Variants in TCF3 observed in about 807,000 individuals in gnomAD.
The protein encoded by TCF3 is transcription factor 3, also known as transcription factor E2-alpha.
TCF3 carries 54 observed loss-of-function variants against 72.3 expected under a neutral mutation model. The observed-to-expected ratio is 0.75, with a 90% CI of 0.60 to 0.94. TCF3 has a LOEUF of 0.94. Ranked by LOEUF, TCF3 falls within the 40% of genes least tolerant of loss-of-function variation. The pLI, the probability that TCF3 is intolerant of heterozygous loss-of-function variation, is 0.00. For synonymous variants in TCF3, 525 were observed against 412.6 expected, an observed-to-expected ratio of 1.27 and a Z score of -3.30; for missense variants, 1,078 against 934.4, an observed-to-expected ratio of 1.15 and a Z score of -2.00.
chr19:1,641,032 C>A (rs1047801071), intron 3 of TCF3, among the ~76,000 whole-genome samples: 1 of 151,790 alleles, frequency 6.6e-6, no homozygotes, highest in Non-Finnish European at 1.5e-5. Context: ...CACCTATATT[C>A]CCAGCTACTC....
Position 1,625,567 on chromosome 19 carries a change from C to A in TCF3, c.499+9G>T, listed in dbSNP as rs1382438562. On this transcript the variant is annotated intron_variant, in intron 7 of 18. Transcript: ENST00000262965. ...GAAGCCCCCGATGCCCCGGCCAGAC[C>A]CCGCTCACCTAGGCTGCCGTCTGCC... 5.7e-6 allele frequency: 9 copies of A among 1,576,138 alleles called. No individual in the cohort carries two copies. Among genetic ancestry groups the A allele is most frequent in the Non-Finnish European group, 6.9e-6 (8 of 1,165,148 alleles).
intron 5 of TCF3, among the ~76,000 whole-genome samples, chr19:1,631,751 G>C (rs2063741318): frequency 6.6e-6 from 1 of 152,212 alleles, no homozygotes; most frequent in African/African-American, 2.4e-5. Context: ...CCGGGAAGCA[G>C]GAGGAGCCCT....
chr19:1,625,610 G>T lies in TCF3; in HGVS notation c.465C>A (p.Gly155=). ...GTSQYYPSYS[G]SSRRRAADGS... is the part of the protein sequence containing the mutation. Reference sequence around the variant, plus strand: ...CGTCTGCCGCTCTCCGCCGGGAGCTGCCGGAGTAGGAGGGGTAGTACTGGG... The same window carrying T: ...CGTCTGCCGCTCTCCGCCGGGAGCTTCCGGAGTAGGAGGGGTAGTACTGGG... The change falls in exon 7 of 19, where the codon GGC becomes GGA. Residue 155 remains glycine (G), a synonymous_variant. Coordinates refer to ENST00000262965, the MANE Select transcript of TCF3 (RefSeq NM_003200.5). The T allele has an allele frequency of 6.3e-7, 1 of 1,583,246 alleles. No homozygotes were observed. The highest frequency in any genetic ancestry group is 8.6e-7 in the Non-Finnish European group (1 of 1,167,346).
At chr19:1,611,937 G>A in intron 18 of TCF3, 88 bp from the exon 19 acceptor site, 1 of 220,146 alleles carries the variant, frequency 4.5e-6, no homozygotes, top group Non-Finnish European at 8.8e-6. Context: ...TGTCGGGGGG[G>A]GGGGTGGGGG....
rs75109835 is a variant in TCF3 at position 1,621,893 on chromosome 19, C to T, written c.900G>A (p.Thr300=). ...GCGTGTGGCTGGAGACGCCGCCGTA[C>T]GTGGCTCCGGGGGCTGAGGAGAAGG... The part of the protein sequence containing the change: ...ASSFSSAPGA[T]YGGVSSHTPP... Residue 300 remains threonine, a synonymous_variant, in exon 11 of 19, where the codon ACG becomes ACA. Coordinates refer to ENST00000262965, the MANE Select transcript of TCF3 (RefSeq NM_003200.5). 142 of 1,597,804 alleles carry T rather than the reference C, an allele frequency of 8.9e-5. No homozygotes were observed. In the African/African-American group the frequency reaches 1.3e-3, roughly 14 times the overall value.
rs1568308413 is a variant in TCF3, at chr19:1,611,729, T to C, written c.1943A>G (p.His648Arg). 1.2e-6 allele frequency: 2 copies of C among 1,613,568 alleles called. No individual in the cohort carries two copies. The highest frequency in any genetic ancestry group is 1.7e-6 in the Non-Finnish European group (2 of 1,179,874). Residue 648 changes from histidine (H) to arginine (R), a missense_variant, in exon 19 of 19, where the codon CAC (histidine) becomes CGC (arginine). Coordinates refer to ENST00000262965, the MANE Select transcript of TCF3 (RefSeq NM_003200.5). ...SAPHPGLSEA[H>R]NPAGHM ...CTTTCACATGTGCCCGGCGGGGTTG[T>C]GGGCTTCGCTCAGGCCTGGGTGGGG...
At chr19:1,648,131 A>G (rs1424012404) in intron 2 of TCF3, among the ~76,000 whole-genome samples, 1 of 152,214 alleles carries the variant, frequency 6.6e-6, no homozygotes, top group Non-Finnish European at 1.5e-5. Context: ...CGCTGGGAAC[A>G]GCCTGGGTTA....
At position 1,615,933 on chromosome 19, in the gene TCF3, GC is replaced by G; in HGVS notation, c.1451-113del. 1 of 1,361,958 alleles carries G rather than the reference GC, an allele frequency of 7.3e-7. No individual in the cohort carries two copies. The highest frequency in any genetic ancestry group is 2.4e-5 in the East Asian group (1 of 40,866). The allele number at this position is 1,361,958 out of a possible 1,614,324, so 84.4% of individuals were successfully genotyped here. On this transcript the variant is annotated intron_variant, in intron 16 of 18. Coordinates refer to ENST00000262965, the MANE Select transcript of TCF3 (RefSeq NM_003200.5). The surrounding 1 kb of genome is among the most constrained non-coding windows in gnomAD (Gnocchi z 7.3). ...GCTTTCCTGGAAAAACCAGGTCTTG[GC>G]CAAAAATAAAAACAAAAAACCAACA... is the stretch of plus-strand genomic sequence containing the variant.
At chr19:1,642,900 T>A (rs72989741) in intron 3 of TCF3, among the ~76,000 whole-genome samples, 19,686 of 152,050 alleles carry the variant, frequency 0.13, 1,384 homozygotes, top group South Asian at 0.3. Flanking sequence ...AACGCGGAGG[T>A]GCCGTTCTGT....
rs1243638464 is a variant in TCF3 at position 1,639,388 on chromosome 19, G to A, written c.145+6967C>T. On this transcript the variant is annotated intron_variant, in intron 3 of 18. Coordinates refer to ENST00000262965, the MANE Select transcript of TCF3 (RefSeq NM_003200.5). ...TGTTGACAATGGCTCGACCCACAAC[G>A]AAATCCCACTGTCTCAGCCCACACA... 5.9e-5 allele frequency among the ~76,000 whole-genome samples: 9 copies of A among 152,128 alleles called. No individual in the cohort carries two copies. In the South Asian group the frequency reaches 1.5e-3, roughly 25 times the overall value.
chr19:1,621,479 C>G (rs1436118083), intron 11 of TCF3, among the ~76,000 whole-genome samples: 13 of 143,688 alleles, frequency 9.0e-5, no homozygotes, highest in African/African-American at 1.9e-4. Context: ...GCCTGGGTAA[C>G]TGAGTCCCTC....
intron 14 of TCF3, 120 bp downstream of exon 14, chr19:1,619,660 C>A (rs915515114): frequency 7.8e-7 from 1 of 1,285,770 alleles, no homozygotes; most frequent in Non-Finnish European, 1.1e-6. Flanking sequence ...GCCACGAGGC[C>A]TCAATAACAG....
chr19:1,650,369 T>C (rs1009521154), intron 1 of TCF3, 82 bp from the exon 2 acceptor site: 1 of 1,092,080 alleles, frequency 9.2e-7, no homozygotes, highest in African/African-American at 1.6e-5. Context: ...CACAGAGTGC[T>C]AAAAGCCACC....
chr19:1,636,052 G>A (rs1256036200), intron 3 of TCF3, among the ~76,000 whole-genome samples: 1 of 152,242 alleles, frequency 6.6e-6, no homozygotes, highest in African/African-American at 2.4e-5. Flanking sequence ...TGCAGCTTGT[G>A]ATGCTTCTCA....
rs374898725 is a variant in TCF3, at chr19:1,621,889, C to G, written c.904G>C (p.Gly302Arg). The change falls in exon 11 of 19, where the codon GGC (glycine) becomes CGC (arginine). Residue 302 changes from glycine to arginine, a missense_variant. Physicochemically the swap from Gly to Arg is moderately radical, Grantham distance 125. Transcript: ENST00000262965. ...GGCGGCGTGTGGCTGGAGACGCCGC[C>G]GTACGTGGCTCCGGGGGCTGAGGAG... is the stretch of plus-strand genomic sequence containing the variant. ...SFSSAPGATY[G>R]GVSSHTPPVS... 1 of 1,596,620 alleles carries G rather than the reference C, an allele frequency of 6.3e-7. No individual in the cohort carries two copies. Among genetic ancestry groups the G allele is most frequent in the African/African-American group, 1.3e-5 (1 of 74,740 alleles).
intron 13 of TCF3, 46 bp downstream of exon 13, chr19:1,620,922 A>T (rs1599587731): frequency 1.4e-6 from 2 of 1,405,206 alleles, no homozygotes; most frequent in Admixed American, 3.3e-5. Context: ...CTCCCCCCAA[A>T]CCCTCACAGA....
chr19:1,620,124 C>A (rs1185932329), intron 13 of TCF3, among the ~76,000 whole-genome samples: 11 of 152,126 alleles, frequency 7.2e-5, no homozygotes, highest in Admixed American at 6.5e-4. Flanking sequence ...TAAAGTGGCT[C>A]GGCAGCACAC....
intron 16 of TCF3, among the ~76,000 whole-genome samples, chr19:1,617,456 G>A (rs1358772828): frequency 1.3e-5 from 2 of 152,242 alleles, no homozygotes; most frequent in Non-Finnish European, 2.9e-5. Flanking sequence ...AGGGTACACA[G>A]TGCCCCAAAT....
intron 3 of TCF3, 89 bp downstream of exon 3, chr19:1,646,266 C>T (rs1450702682): frequency 2.4e-5 from 33 of 1,375,340 alleles, no homozygotes; most frequent in Non-Finnish European, 3.1e-5. Context: ...CCCTCCTTTG[C>T]TGCCCCAGCC....
Sources: gnomAD v4.1 joint callset for allele counts (sites outside exome capture counted in the v4.1 genomes callset) on GRCh38, gnomAD v4.1.1 for gene constraint, Gnocchi (gnomAD v3.1) non-coding constraint, MANE v1.5 for transcripts, NCBI Gene and HGNC (gene_info 2026-07-23, HGNC 2026-07-21) for gene names.